The following SNRNP27 variants were observed in gnomAD, a reference collection of about 807,000 sequenced individuals.
The protein encoded by SNRNP27 is U4/U6.U5 small nuclear ribonucleoprotein 27 kDa protein.
In SNRNP27, 22 loss-of-function variants were observed where a neutral mutation model predicts 25.1. The ratio of observed to expected loss-of-function variants is 0.88; its 90% CI spans 0.63 to 1.25. The LOEUF is 1.25. Ranked by LOEUF, SNRNP27 falls within the 50% of genes most tolerant of loss-of-function variation. The probability of loss-of-function intolerance (pLI) is 0.00; values close to 1 mark genes in which losing one functional copy is unlikely to be tolerated. For synonymous variants in SNRNP27, 66 were observed against 64.9 expected, an observed-to-expected ratio of 1.02 and a Z score of -0.08; for missense variants, 150 against 202.3, an observed-to-expected ratio of 0.74 and a Z score of 1.57.
chr2:69,901,781 A>G (rs1170262821), intron 4 of SNRNP27, among the ~76,000 whole-genome samples: 1 of 152,206 alleles, frequency 6.6e-6, no homozygotes, highest in Non-Finnish European at 1.5e-5. Flanking sequence ...TGATCACGCC[A>G]CTGCACTCCA....
chr2:69,903,287 GT>G, intron 5 of SNRNP27, 42 bp downstream of exon 5: 1 of 1,384,146 alleles, frequency 7.2e-7, no homozygotes, highest in Non-Finnish European at 1.0e-6. Flanking sequence ...TAATAAATCA[GT>G]TTTTTACTTC....
intron 3 of SNRNP27, among the ~76,000 whole-genome samples, chr2:69,897,167 G>T (rs1424332201): frequency 1.3e-5 from 2 of 151,746 alleles, no homozygotes; most frequent in Non-Finnish European, 2.9e-5. Context: ...CCTGTCTAAA[G>T]GCTTCAAGGA....
At chr2:69,896,606 G>A in intron 3 of SNRNP27, 58 bp downstream of exon 3, 1 of 1,432,464 alleles carries the variant, frequency 7.0e-7, no homozygotes, top group Non-Finnish European at 9.4e-7. Flanking sequence ...AATTATAAAA[G>A]TTTAATCTTG....
intron 4 of SNRNP27, among the ~76,000 whole-genome samples, chr2:69,899,498 C>T (rs573687629): frequency 5.3e-5 from 8 of 152,170 alleles, no homozygotes; most frequent in Admixed American, 2.6e-4. Context: ...GGCGCAATCT[C>T]GGCTCACTGC....
chr2:69,904,307 G>T lies in SNRNP27; in HGVS notation c.467G>T (p.Ter156LeuextTer5), dbSNP rs1676756257. 1 of 1,609,464 alleles carries T rather than the reference G, an allele frequency of 6.2e-7. No homozygotes were observed. ...GFNRPLDFIA[*>L] ...AACAGACCTTTGGATTTCATTGCAT[G>T]AGAATTGAAGTGTTGAAGGATGATT... The change falls in exon 6 of 6, where the codon TGA becomes TTA. Residue 156 changes from the stop codon to leucine (L), a stop_lost. Coordinates refer to ENST00000244227, the MANE Select transcript of SNRNP27 (RefSeq NM_006857.3).
chr2:69,894,501 C>T lies in SNRNP27; in HGVS notation c.34+483C>T, dbSNP rs1389379734. On this transcript the variant is annotated intron_variant, in intron 1 of 5. Coordinates refer to ENST00000244227, the MANE Select transcript of SNRNP27 (RefSeq NM_006857.3). The stretch of plus-strand genomic sequence containing the variant: ...TACTTAATAAATGTTAGATTCCTGC[C>T]CAGGTCATTACAGGGAAATCGATAT... Among the ~76,000 whole-genome samples the T allele has an allele frequency of 2.0e-5, 3 of 151,954 alleles. No individual in the cohort carries two copies. The East Asian group carries it at 5.8e-4, about 29-fold the overall frequency.
chr2:69,901,676 C>A lies in SNRNP27; in HGVS notation c.349-1505C>A, dbSNP rs574308886. On this transcript the variant is annotated intron_variant, in intron 4 of 5. Transcript: ENST00000244227. Reference sequence around the variant, plus strand: ...ACAGAAAAAAAAAATTAAAAATTAGCCCAGCTTGGTGGCATGTGCCTGTAG... The same window carrying A: ...ACAGAAAAAAAAAATTAAAAATTAGACCAGCTTGGTGGCATGTGCCTGTAG... Among the ~76,000 whole-genome samples, 644 of 152,138 alleles carry A rather than the reference C, an allele frequency of 4.2e-3. 6 individuals carry two copies. Among genetic ancestry groups the A allele is most frequent in the African/African-American group, 0.013 (551 of 41,500 alleles).
rs563369734 is a variant in SNRNP27 at position 69,897,924 on chromosome 2, G to A, written c.348+468G>A. 3.8e-5 allele frequency among the ~76,000 whole-genome samples: 2 copies of A among 53,154 alleles called. 1 individual carries two copies. Among genetic ancestry groups the A allele is most frequent in the Admixed American group, 3.1e-4 (2 of 6,462 alleles). 34.9% of individuals were successfully genotyped at this position (53,154 alleles called of 152,430 possible). ...ATTCTTTTGGTGTTGAGGAGAGGAAGTAGTGATTTTTAAATAAGGGAGTGG... is the reference window on the plus strand; with the variant it reads ...ATTCTTTTGGTGTTGAGGAGAGGAAATAGTGATTTTTAAATAAGGGAGTGG... On this transcript the variant is annotated intron_variant, in intron 4 of 5. Coordinates refer to ENST00000244227, the MANE Select transcript of SNRNP27 (RefSeq NM_006857.3).
chr2:69,902,283 TTCCTCCTTCCTCCTCCTTCTTCC>T (rs1676714212), intron 4 of SNRNP27, among the ~76,000 whole-genome samples: 1 of 96,582 alleles, frequency 1.0e-5, no homozygotes, highest in Non-Finnish European at 2.3e-5. Flanking sequence ...CTCCTCCTCC[TTCCTCCTTCCTCCTCCTTCTTCC>T]TCCTCCTCCT....
At position 69,897,449 on chromosome 2, in the gene SNRNP27, C is replaced by T; in HGVS notation, c.341C>T (p.Ser114Phe). 2.5e-6 allele frequency: 4 copies of T among 1,610,232 alleles called. No homozygotes were observed. The highest frequency in any genetic ancestry group is 3.4e-6 in the Non-Finnish European group (4 of 1,176,850). ...TTAATGGGATTTGCCTCCTTTGACT[C>T]CACAAAAGTAAGTAAAACGTGCAAC... is the stretch of plus-strand genomic sequence containing the variant. The part of the protein sequence containing the change: ...MKLMGFASFD[S>F]TKGKKVDGSV... The change falls in exon 4 of 6, where the codon TCC becomes TTC. Residue 114 changes from serine to phenylalanine, a missense_variant. Ser to Phe is a radical substitution (Grantham distance 155, BLOSUM62 -2). Transcript: ENST00000244227.
intron 4 of SNRNP27, among the ~76,000 whole-genome samples, chr2:69,898,599 T>C (rs1270351037): frequency 3.3e-5 from 5 of 152,352 alleles, no homozygotes; most frequent in Non-Finnish European, 5.9e-5. Flanking sequence ...TTGTATTCCA[T>C]TGAGTTGCTA....
At chr2:69,898,714 G>A (rs752760633) in intron 4 of SNRNP27, among the ~76,000 whole-genome samples, 11 of 152,128 alleles carry the variant, frequency 7.2e-5, no homozygotes, top group Non-Finnish European at 1.2e-4. Context: ...GAGTACTGAG[G>A]CATGACTGTT....
intron 2 of SNRNP27, 70 bp downstream of exon 2, chr2:69,895,284 C>CT: frequency 5.1e-6 from 8 of 1,565,604 alleles, no homozygotes; most frequent in Non-Finnish European, 6.9e-6. Context: ...CAGCTCTTAA[C>CT]TTTGTTTTCA....
rs1558563329 is a variant in SNRNP27 at position 69,904,497 on chromosome 2, A to AT, written c.*196dup. On this transcript the variant is annotated 3_prime_UTR_variant, in exon 6 of 6. Transcript: ENST00000244227. The stretch of plus-strand genomic sequence containing the variant: ...CAACAGAAGAAAGGTTAAATATTAC[A>AT]TTTTTTTCTTTTAGGAAATATCATT... 1 of 636,240 alleles carries AT rather than the reference A, an allele frequency of 1.6e-6. No individual in the cohort carries two copies. Among genetic ancestry groups the AT allele is most frequent in the East Asian group, 2.9e-5 (1 of 34,412 alleles). The allele number at this position is 636,240 out of a possible 1,614,324, so 39.4% of individuals were successfully genotyped here. A position where few individuals can be genotyped will look rare whatever the true frequency, so the allele number is the denominator to read the frequency against.
chr2:69,897,332 A>G lies in SNRNP27; in HGVS notation c.269-45A>G, dbSNP rs761314108. 1.0e-5 allele frequency: 13 copies of G among 1,288,258 alleles called. 1 individual carries two copies. In the South Asian group the frequency reaches 1.4e-4, roughly 14 times the overall value. The allele number at this position is 1,288,258 out of a possible 1,614,324, so 79.8% of individuals were successfully genotyped here. A position where few individuals can be genotyped will look rare whatever the true frequency, so the allele number is the denominator to read the frequency against. ...ACCACCTCTCTTTTTATTTATGTAT[A>G]TATTTGAAATGATAGAGAGGTCACA... On this transcript the variant is annotated intron_variant, in intron 3 of 5. Coordinates refer to ENST00000244227, the MANE Select transcript of SNRNP27 (RefSeq NM_006857.3).
rs1350704636 is a variant in SNRNP27 at position 69,904,988 on chromosome 2, G to A, written c.*680G>A. The A allele has an allele frequency of 6.6e-6, 1 of 152,130 alleles. No individual in the cohort carries two copies. Among genetic ancestry groups the A allele is most frequent in the Non-Finnish European group, 1.5e-5 (1 of 68,122 alleles). 9.4% of individuals were successfully genotyped at this position (152,130 alleles called of 1,614,324 possible). On this transcript the variant is annotated 3_prime_UTR_variant, in exon 6 of 6. Coordinates refer to ENST00000244227, the MANE Select transcript of SNRNP27 (RefSeq NM_006857.3). ...AACATTTTGGTATATGTTTTTCCAG[G>A]CTTCTTTGGGTTGATCCCACCTATG...
rs1676739839 is a variant in SNRNP27 at position 69,903,190 on chromosome 2, G to A, written c.358G>A (p.Val120Met). The A allele has an allele frequency of 1.9e-6, 3 of 1,612,470 alleles. 1 individual carries two copies. The African/African-American group carries it at 4.0e-5, about 22-fold the overall frequency. ...ASFDSTKGKK[V>M]DGSVNAYAIN... is the part of the protein sequence containing the mutation. ...TATTGTTTTTCTTCAGGGTAAGAAG[G>A]TGGATGGCTCTGTAAATGCCTATGC... is the stretch of plus-strand genomic sequence containing the variant. Residue 120 changes from valine to methionine, a missense_variant, in exon 5 of 6, where the codon GTG becomes ATG. Coordinates refer to ENST00000244227, the MANE Select transcript of SNRNP27 (RefSeq NM_006857.3).
Position 69,896,330 on chromosome 2 carries a change from C to G in SNRNP27, c.156-106C>G. ...GAACCTTTTTCCTCACTTTGCTATA[C>G]GGAATGACTCGTGGTTCTGTGGAGC... On this transcript the variant is annotated intron_variant, in intron 2 of 5. Coordinates refer to ENST00000244227, the MANE Select transcript of SNRNP27 (RefSeq NM_006857.3). The G allele has an allele frequency of 5.6e-6, 6 of 1,067,426 alleles. No homozygotes were observed. The South Asian group carries it at 9.4e-5, about 17-fold the overall frequency. 66.1% of individuals were successfully genotyped at this position (1,067,426 alleles called of 1,614,324 possible).
At chr2:69,901,424 A>G (rs1366637780) in intron 4 of SNRNP27, among the ~76,000 whole-genome samples, 1 of 152,226 alleles carries the variant, frequency 6.6e-6, no homozygotes, top group African/African-American at 2.4e-5. Context: ...AGAATTTGTG[A>G]AAAAGAGGAT....
Sources: allele counts gnomAD v4.1 joint callset (sites outside exome capture counted in the v4.1 genomes callset), GRCh38; gene constraint gnomAD v4.1.1; transcripts MANE v1.5; gene names NCBI Gene and HGNC (gene_info 2026-07-23, HGNC 2026-07-21).